Variants in ZBTB7C observed in about 807,000 individuals in gnomAD.
The protein encoded by ZBTB7C is zinc finger and BTB domain containing 7C.
Under a neutral mutation model 25.7 loss-of-function variants are expected in ZBTB7C, and 8 were observed. The observed-to-expected ratio is 0.31, with a 90% CI of 0.18 to 0.56. ZBTB7C has a LOEUF of 0.56. ZBTB7C is among the 20% of genes least tolerant of loss of function. The pLI, the probability that ZBTB7C is intolerant of heterozygous loss-of-function variation, is 0.91. For missense variants in ZBTB7C, 824 were observed against 855.2 expected (o/e 0.96, Z 0.46); for synonymous variants, 394 against 369.0 (o/e 1.07, Z -0.78).
chr18:48,409,029 C>G (rs1009983809), intron 1 of ZBTB7C, among the ~76,000 whole-genome samples, 197 bp downstream of exon 1: 5 of 151,196 alleles, frequency 3.3e-5, no homozygotes, highest in Non-Finnish European at 7.4e-5. Flanking sequence ...GAGGGCGCCC[C>G]TGCTCCAGCC....
chr18:48,141,143 A>T (rs975660142), intron 3 of ZBTB7C, among the ~76,000 whole-genome samples: 3 of 96,038 alleles, frequency 3.1e-5, no homozygotes, highest in East Asian at 3.3e-4. Context: ...TCCCCCCCGC[A>T]CCACCCCCCC....
intron 2 of ZBTB7C, among the ~76,000 whole-genome samples, chr18:48,199,836 T>A (rs1001731026): frequency 5.3e-5 from 8 of 152,222 alleles, no homozygotes; most frequent in African/African-American, 1.9e-4. Context: ...TTCCAGAGGA[T>A]ATGATCCAAG....
At chr18:48,360,037 T>G (rs779267639) in intron 1 of ZBTB7C, among the ~76,000 whole-genome samples, 3 of 152,190 alleles carry the variant, frequency 2.0e-5, no homozygotes, top group African/African-American at 4.8e-5. Context: ...GAATAGACCC[T>G]TCAGGGAGGA....
chr18:48,108,413 T>C (rs1411217780), intron 3 of ZBTB7C, among the ~76,000 whole-genome samples: 1 of 152,100 alleles, frequency 6.6e-6, no homozygotes, highest in Non-Finnish European at 1.5e-5. Context: ...ACAAACACCC[T>C]GGGGAAACAG....
intron 2 of ZBTB7C, among the ~76,000 whole-genome samples, chr18:48,267,135 C>T (rs1321699315): frequency 6.6e-6 from 1 of 152,200 alleles, no homozygotes; most frequent in Non-Finnish European, 1.5e-5. Flanking sequence ...CAAGTTGGAT[C>T]AAAGCACAAG....
Position 48,028,459 on chromosome 18 carries a change from G to A in ZBTB7C, c.*801C>T, listed in dbSNP as rs755599894. 3 of 152,324 alleles carry A rather than the reference G, an allele frequency of 2.0e-5. 1 individual carries two copies. The highest frequency in any genetic ancestry group is 6.8e-3 in the Middle Eastern group (2 of 294). The allele number at this position is 152,324 out of a possible 1,614,324, so 9.4% of individuals were successfully genotyped here. Reference sequence around the variant, plus strand: ...ACCTATGCTAATATGCTAATATAGAGCTGGATGTGATAAAACTAAGTCCAG... The same window carrying A: ...ACCTATGCTAATATGCTAATATAGAACTGGATGTGATAAAACTAAGTCCAG... On this transcript the variant is annotated 3_prime_UTR_variant, in exon 5 of 5. Coordinates refer to ENST00000590800, the MANE Select transcript of ZBTB7C (RefSeq NM_001318841.2).
chr18:48,196,209 G>A (rs1000619338), intron 2 of ZBTB7C, among the ~76,000 whole-genome samples: 10 of 152,164 alleles, frequency 6.6e-5, no homozygotes, highest in East Asian at 1.9e-4. Flanking sequence ...TGATGCTGGC[G>A]TGCCCACCTT....
chr18:48,401,084 AT>A (rs1166579248), intron 1 of ZBTB7C, among the ~76,000 whole-genome samples: 1 of 152,180 alleles, frequency 6.6e-6, no homozygotes, highest in Non-Finnish European at 1.5e-5. Flanking sequence ...GGAGGGAGGG[AT>A]CCTAGCACCC....
At chr18:48,333,787 C>G (rs925259292) in intron 2 of ZBTB7C, among the ~76,000 whole-genome samples, 58 of 152,200 alleles carry the variant, frequency 3.8e-4, no homozygotes, top group African/African-American at 1.4e-3. Flanking sequence ...CAGGCAGCAA[C>G]ACGAGTGACC....
chr18:48,088,240 C>T (rs375369324), intron 3 of ZBTB7C: 17 of 152,224 alleles, frequency 1.1e-4, no homozygotes, highest in African/African-American at 4.1e-4. Flanking sequence ...GCAAGGACTC[C>T]ATAGACTCCA....
intron 1 of ZBTB7C, among the ~76,000 whole-genome samples, chr18:48,394,583 A>T (rs2047976806): frequency 6.6e-6 from 1 of 152,228 alleles, no homozygotes; most frequent in African/African-American, 2.4e-5. Flanking sequence ...AAGTCTGGGA[A>T]GTAGGCAGTG....
rs2039142851 is a variant in ZBTB7C at position 48,109,170 on chromosome 18, G to A, written c.-16-68047C>T. The stretch of plus-strand genomic sequence containing the variant: ...GGTGTTGCTAAGAACCCAGGCTGGT[G>A]GCGGCTGTCACAGGCCTAATGAGGC... On this transcript the variant is annotated intron_variant, in intron 3 of 4. Transcript: ENST00000590800. 2.0e-5 allele frequency among the ~76,000 whole-genome samples: 3 copies of A among 152,136 alleles called. No individual in the cohort carries two copies. The South Asian group carries it at 6.2e-4, about 32-fold the overall frequency.
chr18:48,218,896 C>T (rs747924916), intron 2 of ZBTB7C, among the ~76,000 whole-genome samples: 1 of 152,172 alleles, frequency 6.6e-6, no homozygotes, highest in Non-Finnish European at 1.5e-5. Flanking sequence ...GAAGGTCCCT[C>T]TCTCCCAGGC....
intron 3 of ZBTB7C, among the ~76,000 whole-genome samples, chr18:48,089,226 T>C (rs943697224): frequency 1.5e-4 from 23 of 152,176 alleles, no homozygotes; most frequent in African/African-American, 5.1e-4. Context: ...CCTAGCACTT[T>C]GGGAGGCTGA....
chr18:48,075,935 G>T (rs2037745497), intron 3 of ZBTB7C, among the ~76,000 whole-genome samples: 1 of 152,182 alleles, frequency 6.6e-6, no homozygotes, highest in African/African-American at 2.4e-5. Flanking sequence ...CCATCTTTGT[G>T]CACCTAAGAG....
chr18:48,301,490 C>T (rs2045543205), intron 2 of ZBTB7C, among the ~76,000 whole-genome samples: 1 of 152,082 alleles, frequency 6.6e-6, no homozygotes, highest in African/African-American at 2.4e-5. Flanking sequence ...AAATAAATAG[C>T]AAGCCATGGT....
chr18:48,145,621 G>A (rs899096832), intron 3 of ZBTB7C, among the ~76,000 whole-genome samples: 1 of 152,166 alleles, frequency 6.6e-6, no homozygotes, highest in Non-Finnish European at 1.5e-5. Context: ...GAGGAAGTGG[G>A]GCAATGACGA....
chr18:48,339,690 T>C (rs573474660), intron 1 of ZBTB7C, among the ~76,000 whole-genome samples: 100 of 152,110 alleles, frequency 6.6e-4, no homozygotes, highest in African/African-American at 2.0e-3. Context: ...GAGGGGGACA[T>C]TGGCCTGTTT....
intron 2 of ZBTB7C, among the ~76,000 whole-genome samples, chr18:48,292,908 A>G (rs1052055779): frequency 6.6e-6 from 1 of 152,122 alleles, no homozygotes; most frequent in Non-Finnish European, 1.5e-5. Context: ...CTATTCATTG[A>G]GCCCTCACTC....
Sources: allele counts gnomAD v4.1 joint callset (sites outside exome capture counted in the v4.1 genomes callset), GRCh38; gene constraint gnomAD v4.1.1; transcripts MANE v1.5; gene names NCBI Gene and HGNC (gene_info 2026-07-23, HGNC 2026-07-21).